TMEM132D: variants seen among roughly 807,000 people sequenced by gnomAD.
The protein encoded by TMEM132D is transmembrane protein 132D.
A neutral mutation model predicts 62.3 loss-of-function variants in TMEM132D; 21 were observed. That is an observed-to-expected ratio of 0.34 (90% CI 0.24 to 0.49). The LOEUF is 0.49. Ranked by LOEUF, TMEM132D falls within the 20% of genes least tolerant of loss-of-function variation. The pLI is 0.99. For missense variants in TMEM132D, 1,346 were observed against 1,402.8 expected (o/e 0.96, Z 0.65); for synonymous variants, 621 against 575.6 (o/e 1.08, Z -1.13).
chr12:129,095,659 C>T (rs1741305524), intron 5 of TMEM132D, among the ~76,000 whole-genome samples: 1 of 152,046 alleles, frequency 6.6e-6, no homozygotes, highest in Non-Finnish European at 1.5e-5. Context: ...GCCTGGTTTC[C>T]TTTTAAGAAG....
In TMEM132D at chr12:129,469,770, G is replaced by A. The variant is rs2201196; in HGVS notation, c.1115+61289C>T. ...CTGTCCTTTAGTTTTGTCCTTTGTC[G>A]TCTCTGTTGAAGATTTAAACCACAG... is the stretch of plus-strand genomic sequence containing the variant. On this transcript the variant is annotated intron_variant, in intron 3 of 8. Coordinates refer to ENST00000422113, the MANE Select transcript of TMEM132D (RefSeq NM_133448.3). Among the ~76,000 whole-genome samples, 959 of 152,246 alleles carry A rather than the reference G, an allele frequency of 6.3e-3. 14 individuals carry two copies. Among genetic ancestry groups the A allele is most frequent in the African/African-American group, 0.021 (889 of 41,560 alleles).
rs750660358 is a variant in TMEM132D, at chr12:129,558,503, G to A, written c.969-27298C>T. On this transcript the variant is annotated intron_variant, in intron 2 of 8. Coordinates refer to ENST00000422113, the MANE Select transcript of TMEM132D (RefSeq NM_133448.3). ...CTAGATCAGCTCAGTGGGTGATTTCGAGCGTGGGCTCCTAAGCTGCTGGGA... is the reference window on the plus strand; with the variant it reads ...CTAGATCAGCTCAGTGGGTGATTTCAAGCGTGGGCTCCTAAGCTGCTGGGA... 5.3e-5 allele frequency among the ~76,000 whole-genome samples: 8 copies of A among 152,254 alleles called. 1 individual carries two copies. The highest frequency in any genetic ancestry group is 9.6e-5 in the African/African-American group (4 of 41,558).
intron 2 of TMEM132D, among the ~76,000 whole-genome samples, chr12:129,643,158 C>G (rs532938939): frequency 6.6e-6 from 1 of 152,168 alleles, no homozygotes; most frequent in South Asian, 2.1e-4. Flanking sequence ...CTCCTGACCT[C>G]GTGATCCACC....
intron 3 of TMEM132D, among the ~76,000 whole-genome samples, chr12:129,462,593 C>G (rs1189296553): frequency 6.6e-6 from 1 of 152,218 alleles, no homozygotes; most frequent in Non-Finnish European, 1.5e-5. Context: ...ACCACTCTGA[C>G]AGCCCTCTGA....
At chr12:129,512,761 C>G (rs192500640) in intron 3 of TMEM132D, among the ~76,000 whole-genome samples, 22 of 152,324 alleles carry the variant, frequency 1.4e-4, no homozygotes, top group African/African-American at 2.2e-4. Context: ...TCTCTACTGG[C>G]TACACGCATG....
intron 2 of TMEM132D, among the ~76,000 whole-genome samples, chr12:129,624,998 A>G (rs1266767674): frequency 6.6e-6 from 1 of 152,236 alleles, no homozygotes; most frequent in Non-Finnish European, 1.5e-5. Flanking sequence ...CACACCTCAC[A>G]ACACTCAACA....
chr12:129,863,005 G>A (rs1317625317), intron 1 of TMEM132D, among the ~76,000 whole-genome samples: 1 of 152,168 alleles, frequency 6.6e-6, no homozygotes. Flanking sequence ...CAGGGCAGAT[G>A]TAAATGGGAA....
intron 5 of TMEM132D, among the ~76,000 whole-genome samples, chr12:129,138,458 CT>C (rs1876648278): frequency 6.6e-6 from 1 of 152,154 alleles, no homozygotes; most frequent in Non-Finnish European, 1.5e-5. Context: ...TGGCTCATGC[CT>C]GCAATCTCAG....
At chr12:129,643,255 T>A (rs1227528387) in intron 2 of TMEM132D, among the ~76,000 whole-genome samples, 1 of 152,118 alleles carries the variant, frequency 6.6e-6, no homozygotes, top group Non-Finnish European at 1.5e-5. Context: ...ACTTTCTTAC[T>A]CCAGGCTTCA....
At chr12:129,294,849 C>T (rs1203588455) in intron 4 of TMEM132D, among the ~76,000 whole-genome samples, 1 of 152,194 alleles carries the variant, frequency 6.6e-6, no homozygotes, top group African/African-American at 2.4e-5. Flanking sequence ...TGAAATATCT[C>T]CTATGACTGT....
intron 4 of TMEM132D, among the ~76,000 whole-genome samples, chr12:129,239,247 A>G (rs1879869019): frequency 6.6e-6 from 1 of 152,172 alleles, no homozygotes. Context: ...TTAACACTAT[A>G]ATGGTTAATT....
intron 1 of TMEM132D, among the ~76,000 whole-genome samples, chr12:129,713,491 C>T (rs1261780809): frequency 1.3e-5 from 2 of 151,728 alleles, no homozygotes; most frequent in African/African-American, 4.8e-5. Context: ...GGAGGGAAAA[C>T]AAATCCAAGG....
chr12:129,865,434 T>C (rs548340258), intron 1 of TMEM132D, among the ~76,000 whole-genome samples: 1 of 152,254 alleles, frequency 6.6e-6, no homozygotes, highest in South Asian at 2.1e-4. Context: ...GCAAGATGGG[T>C]CCACAGCAGT....
At chr12:129,224,635 C>T (rs984986532) in intron 4 of TMEM132D, among the ~76,000 whole-genome samples, 2 of 152,122 alleles carry the variant, frequency 1.3e-5, no homozygotes, top group African/African-American at 2.4e-5. Flanking sequence ...AGGCAGGGCA[C>T]GGTGGCTCAT....
chr12:129,088,135 CG>C (rs67385291), intron 5 of TMEM132D, among the ~76,000 whole-genome samples: 5 of 32,902 alleles, frequency 1.5e-4, no homozygotes, highest in Non-Finnish European at 2.1e-4. Flanking sequence ...CCTCCATGAC[CG>C]GGGTGTCCTC....
rs114274624 is a variant in TMEM132D, at chr12:129,734,551, G to A, written c.80-33853C>T. 1.0e-2 allele frequency among the ~76,000 whole-genome samples: 1,517 copies of A among 152,192 alleles called. 31 individuals carry two copies. The highest frequency in any genetic ancestry group is 0.034 in the African/African-American group (1,409 of 41,520). On this transcript the variant is annotated intron_variant, in intron 1 of 8. Transcript: ENST00000422113. ...TAGATTACTCATTGCTTCGAGTAACGCAATACTTTATCAAATCCATAAGCC... is the reference window on the plus strand; with the variant it reads ...TAGATTACTCATTGCTTCGAGTAACACAATACTTTATCAAATCCATAAGCC...
At chr12:129,097,053 C>A (rs1875138287) in intron 5 of TMEM132D, among the ~76,000 whole-genome samples, 1 of 152,244 alleles carries the variant, frequency 6.6e-6, no homozygotes, top group African/African-American at 2.4e-5. Context: ...ACCCAAGCCG[C>A]TCTTGCCACG....
At chr12:129,206,749 A>G (rs973745416) in intron 5 of TMEM132D, among the ~76,000 whole-genome samples, 1 of 152,242 alleles carries the variant, frequency 6.6e-6, no homozygotes, top group African/African-American at 2.4e-5. Flanking sequence ...TGGTACATAT[A>G]CACCATGGAA....
intron 2 of TMEM132D, among the ~76,000 whole-genome samples, chr12:129,593,199 G>C (rs563473222): frequency 6.6e-6 from 1 of 152,184 alleles, no homozygotes; most frequent in Non-Finnish European, 1.5e-5. Context: ...AAGTCCTTCT[G>C]ACTTTCAAGC....
Sources: allele counts gnomAD v4.1 joint callset (sites outside exome capture counted in the v4.1 genomes callset), GRCh38; gene constraint gnomAD v4.1.1; transcripts MANE v1.5; gene names NCBI Gene and HGNC (gene_info 2026-07-23, HGNC 2026-07-21).